Variants in DPP3 observed in about 807,000 individuals in gnomAD.
DPP3 encodes dipeptidyl peptidase 3.
A neutral mutation model predicts 89.8 loss-of-function variants in DPP3; 64 were observed. The ratio of observed to expected loss-of-function variants is 0.71; its 90% CI spans 0.58 to 0.88. DPP3 has a LOEUF of 0.88. Among genes scored for constraint, DPP3 ranks in the 40% least tolerant of loss-of-function variants. DPP3 has a pLI of 0.00. For synonymous variants in DPP3, 377 were observed against 404.3 expected (o/e 0.93, Z 0.81); for missense variants, 835 against 972.5 (o/e 0.86, Z 1.88).
chr11:66,482,041 A>T, intron 1 of DPP3, 152 bp from the exon 2 acceptor site: 1 of 1,160,732 alleles, frequency 8.6e-7, no homozygotes, highest in Non-Finnish European at 1.2e-6. Context: ...CACCTTCTCT[A>T]AGCCTCAGTT....
At chr11:66,480,512 G>C in intron 1 of DPP3, 47 bp downstream of exon 1, 3 of 1,471,482 alleles carry the variant, frequency 2.0e-6, no homozygotes, top group Non-Finnish European at 2.7e-6. Context: ...TGTCATCCCG[G>C]GGGACCAAGG....
At chr11:66,491,870 A>G (rs547546623) in intron 9 of DPP3, 114 bp downstream of exon 9, 2 of 1,151,562 alleles carry the variant, frequency 1.7e-6, no homozygotes, top group East Asian at 4.8e-5. Flanking sequence ...CCATAACAGT[A>G]AGAACAGCCA....
chr11:66,486,803 G>A (rs1855241859), intron 4 of DPP3, 126 bp downstream of exon 4: 2 of 1,177,328 alleles, frequency 1.7e-6, no homozygotes, highest in Non-Finnish European at 1.1e-6. Flanking sequence ...AGGCAATGCT[G>A]CTCCCCACTG....
intron 16 of DPP3, among the ~76,000 whole-genome samples, chr11:66,498,435 G>C (rs981171385): frequency 2.0e-5 from 3 of 152,030 alleles, no homozygotes; most frequent in African/African-American, 7.2e-5. Flanking sequence ...CACCATGTTG[G>C]CCAGGCTTGT....
chr11:66,491,329 G>C lies in DPP3; in HGVS notation c.744G>C (p.Arg248=). 1 of 1,614,058 alleles carries C rather than the reference G, an allele frequency of 6.2e-7. No individual in the cohort carries two copies. The highest frequency in any genetic ancestry group is 8.5e-7 in the Non-Finnish European group (1 of 1,180,016). Residue 248 remains arginine (R), a synonymous_variant, in exon 7 of 18, where the codon CGG becomes CGC. Coordinates refer to ENST00000531863, the MANE Select transcript of DPP3 (RefSeq NM_130443.4). ...GGGGAAGCCCTTTCCAGGTGACCCG[G>C]GGGGACTACGCGCCCATCCTCCAGA... ...EFRGSPFQVT[R]GDYAPILQKV...
chr11:66,487,932 A>T lies in DPP3; in HGVS notation c.592A>T (p.Thr198Ser). The change falls in exon 6 of 18, where the codon ACC becomes TCC. Residue 198 changes from threonine to serine, a missense_variant. Thr to Ser is a moderately conservative substitution (Grantham distance 58). Transcript: ENST00000531863. ...CTTCTAGAACCTCAGTGCCTACAAC[A>T]CCCGGCTCTTCAAAGAGGTCGATGG... The part of the protein sequence containing the change: ...LDSQNLSAYN[T>S]RLFKEVDGEG... 1 of 1,613,788 alleles carries T rather than the reference A, an allele frequency of 6.2e-7. No individual in the cohort carries two copies. The highest frequency in any genetic ancestry group is 1.1e-5 in the South Asian group (1 of 91,066).
At chr11:66,485,078 C>T in intron 2 of DPP3, 95 bp from the exon 3 acceptor site, 2 of 1,203,062 alleles carry the variant, frequency 1.7e-6, no homozygotes, top group Non-Finnish European at 2.4e-6. Flanking sequence ...CTCACCCACA[C>T]TGGCTCTGCT....
chr11:66,503,303 C>G (rs17496250), intron 16 of DPP3, among the ~76,000 whole-genome samples: 27,562 of 152,154 alleles, frequency 0.18, 3,321 homozygotes, highest in Non-Finnish European at 0.24. Flanking sequence ...ATGGTCATAC[C>G]TGCCTTGTCT....
At chr11:66,500,028 G>A (rs1364287268) in intron 16 of DPP3, among the ~76,000 whole-genome samples, 1 of 152,020 alleles carries the variant, frequency 6.6e-6, no homozygotes, top group East Asian at 1.9e-4. Flanking sequence ...GGGGACTACT[G>A]TACTGACAAA....
At chr11:66,504,537 G>C in intron 16 of DPP3, 75 bp from the exon 17 acceptor site, 1 of 1,501,496 alleles carries the variant, frequency 6.7e-7, no homozygotes, top group Admixed American at 2.0e-5. Flanking sequence ...ACCACAATCA[G>C]CTGTGGCCTA....
intron 16 of DPP3, among the ~76,000 whole-genome samples, chr11:66,500,161 C>T (rs1855644217): frequency 6.6e-6 from 1 of 152,120 alleles, no homozygotes; most frequent in African/African-American, 2.4e-5. Context: ...CGAGACCAGC[C>T]TGGCCAACAT....
At chr11:66,482,538 G>A in intron 2 of DPP3, 68 bp downstream of exon 2, 2 of 1,569,488 alleles carry the variant, frequency 1.3e-6, no homozygotes, top group Non-Finnish European at 8.6e-7. Flanking sequence ...GGATGCAAAT[G>A]TCTGTCTCTT....
At chr11:66,491,877 G>A in intron 9 of DPP3, 121 bp downstream of exon 9, 2 of 1,114,480 alleles carry the variant, frequency 1.8e-6, no homozygotes, top group Non-Finnish European at 2.7e-6. Context: ...AGTAAGAACA[G>A]CCATGGTAAA....
Position 66,491,720 on chromosome 11 carries a change from T to C in DPP3, c.952T>C (p.Tyr318His). The C allele has an allele frequency of 2.5e-6, 4 of 1,611,526 alleles. No homozygotes were observed. The highest frequency in any genetic ancestry group is 3.4e-6 in the Non-Finnish European group (4 of 1,179,664). Residue 318 changes from tyrosine to histidine, a missense_variant, in exon 9 of 18, where the codon TAC (tyrosine) becomes CAC (histidine). Coordinates refer to ENST00000531863, the MANE Select transcript of DPP3 (RefSeq NM_130443.4). ...VESYIGFIES[Y>H]RDPFGSRGEF... ...CAGTTACATCGGGTTCATCGAGAGC[T>C]ACCGCGACCCCTTTGGTTCCCGAGG...
chr11:66,486,592 A>G lies in DPP3; in HGVS notation c.413A>G (p.Glu138Gly). The G allele has an allele frequency of 2.5e-6, 4 of 1,584,098 alleles. No homozygotes were observed. The highest frequency in any genetic ancestry group is 1.7e-6 in the Non-Finnish European group (2 of 1,164,808). The change falls in exon 4 of 18, where the codon GAA becomes GGA. Residue 138 changes from glutamate to glycine, a missense_variant. By Grantham distance (98) the Glu-to-Gly change is moderately conservative. Transcript: ENST00000531863. ...AGTGAGGCTGCTCAGCAGCACCCAG[A>G]AGAAGTCAGGGGCCTCTGGCAGACC... The part of the protein sequence containing the change: ...LGSEAAQQHP[E>G]EVRGLWQTCG...
chr11:66,487,662 G>A (rs1855268640), intron 5 of DPP3, among the ~76,000 whole-genome samples: 1 of 152,158 alleles, frequency 6.6e-6, no homozygotes, highest in Non-Finnish European at 1.5e-5. Flanking sequence ...TGGGTTCGCA[G>A]AGGCCGTGCA....
At chr11:66,495,066 T>C in intron 12 of DPP3, 140 bp from the exon 13 acceptor site, 1 of 1,186,298 alleles carries the variant, frequency 8.4e-7, no homozygotes, top group South Asian at 1.4e-5. Context: ...CGTCAGTGTG[T>C]GGACAGACCT....
At chr11:66,497,064 G>A (rs1855557709) in intron 15 of DPP3, among the ~76,000 whole-genome samples, 1 of 152,198 alleles carries the variant, frequency 6.6e-6, no homozygotes, top group Admixed American at 6.5e-5. Flanking sequence ...TGGCCTCCCT[G>A]TCTCCTAGGG....
chr11:66,486,916 T>C (rs1415947450), intron 4 of DPP3, among the ~76,000 whole-genome samples: 3 of 152,006 alleles, frequency 2.0e-5, no homozygotes, highest in Non-Finnish European at 4.4e-5. Context: ...TGCCATGTGC[T>C]GATGGAGGGA....
Sources: gnomAD v4.1 joint callset for allele counts (sites outside exome capture counted in the v4.1 genomes callset) on GRCh38, gnomAD v4.1.1 for gene constraint, MANE v1.5 for transcripts, NCBI Gene and HGNC (gene_info 2026-07-23, HGNC 2026-07-21) for gene names.